PECAM1: variants seen among roughly 807,000 people sequenced by gnomAD.
The protein encoded by PECAM1 is platelet endothelial cell adhesion molecule.
PECAM1 carries 8 observed loss-of-function variants against 13.8 expected under a neutral mutation model. The observed-to-expected ratio is 0.58, with a 90% confidence interval of 0.34 to 1.05. PECAM1 has a LOEUF of 1.05. Among genes scored for constraint, PECAM1 ranks in the 50% least tolerant of loss-of-function variants. The pLI is 0.03. For synonymous variants in PECAM1, 136 were observed against 52.6 expected, an observed-to-expected ratio of 2.58 and a Z score of -6.86; for missense variants, 304 against 141.2, an observed-to-expected ratio of 2.15 and a Z score of -5.84.
At chr17:64,362,715 T>G (rs1598033649) in intron 6 of PECAM1, among the ~76,000 whole-genome samples, 2 of 151,626 alleles carry the variant, frequency 1.3e-5, no homozygotes, top group Non-Finnish European at 2.9e-5. Flanking sequence ...TAGGCAGACA[T>G]GGTGGTGGGC....
intron 4 of PECAM1, among the ~76,000 whole-genome samples, chr17:64,370,756 G>A (rs2036221295): frequency 6.6e-6 from 1 of 152,114 alleles, no homozygotes; most frequent in South Asian, 2.1e-4. Context: ...GGGAAGTAGG[G>A]ATAGGTCCTA....
intron 4 of PECAM1, among the ~76,000 whole-genome samples, chr17:64,373,144 TAAAA>T (rs1297178001): frequency 0.04 from 5,906 of 149,436 alleles, 410 homozygotes; most frequent in African/African-American, 0.14. Flanking sequence ...AATAAATAAA[TAAAA>T]AAAAAAGAAA....
At chr17:64,341,251 G>A (rs1310468046) in intron 14 of PECAM1, among the ~76,000 whole-genome samples, 3 of 150,996 alleles carry the variant, frequency 2.0e-5, no homozygotes, top group African/African-American at 7.3e-5. Context: ...GTGACAGAGC[G>A]AGACTCCATA....
Position 64,375,278 on chromosome 17 carries a change from G to C in PECAM1, c.464C>G (p.Pro155Arg), listed in dbSNP as rs2036331031. ...GAAGTGTATTGGGGCCTTTTCCTCT[G>C]GGACAGAACAGTTGACCCTCACGAT... ...GGIVRVNCSV[P>R]EEKAPIHFTI... The change falls in exon 4 of 16, where the codon CCA (proline) becomes CGA (arginine). Residue 155 changes from proline (P) to arginine (R), a missense_variant. Transcript: ENST00000563924. 4.2e-6 allele frequency: 2 copies of C among 475,160 alleles called. No homozygotes were observed. Among genetic ancestry groups the C allele is most frequent in the Non-Finnish European group, 3.9e-6 (1 of 259,034 alleles). 29.4% of individuals were successfully genotyped at this position (475,160 alleles called of 1,614,324 possible).
At chr17:64,347,726 T>A (rs1053261713) in intron 13 of PECAM1, among the ~76,000 whole-genome samples, 3 of 140,782 alleles carry the variant, frequency 2.1e-5, no homozygotes, top group East Asian at 2.0e-4. Flanking sequence ...ATTATATATT[T>A]TATATATATA....
At chr17:64,346,561 C>A (rs1311571926) in intron 13 of PECAM1, among the ~76,000 whole-genome samples, 2 of 152,164 alleles carry the variant, frequency 1.3e-5, no homozygotes, top group Non-Finnish European at 2.9e-5. Context: ...GTCTCGAACT[C>A]CTGGCCTCAA....
At chr17:64,361,450 T>C (rs2035978341) in intron 6 of PECAM1, among the ~76,000 whole-genome samples, 1 of 151,644 alleles carries the variant, frequency 6.6e-6, no homozygotes, top group Non-Finnish European at 1.5e-5. Flanking sequence ...CCAGCCAATA[T>C]ATATGTTTTT....
intron 5 of PECAM1, among the ~76,000 whole-genome samples, chr17:64,368,587 T>C (rs1401406012): frequency 2.0e-5 from 3 of 152,134 alleles, no homozygotes; most frequent in African/African-American, 4.8e-5. Context: ...CAGTGGCTCA[T>C]GCCTATAATC....
rs1449632472 is a variant in PECAM1, at chr17:64,347,363, C to CA, written c.2107+896dup. ...TGAAATCCCATCTCTACTAAAAATA[C>CA]AAAAAAAAAATAAATAAATTAGCCG... On this transcript the variant is annotated intron_variant, in intron 13 of 15. Coordinates refer to ENST00000563924, the MANE Select transcript of PECAM1 (RefSeq NM_000442.5). Among the ~76,000 whole-genome samples the CA allele has an allele frequency of 3.8e-3, 546 of 144,522 alleles. 2 individuals carry two copies. The highest frequency in any genetic ancestry group is 9.7e-3 in the African/African-American group (384 of 39,438). 94.8% of individuals were successfully genotyped at this position (144,522 alleles called of 152,430 possible).
chr17:64,327,658 A>G (rs2034993340), intron 15 of PECAM1, among the ~76,000 whole-genome samples: 1 of 152,210 alleles, frequency 6.6e-6, no homozygotes, highest in Non-Finnish European at 1.5e-5. Context: ...CTTCCATGCT[A>G]TCTGTCTGCG....
chr17:64,358,107 C>T (rs1275411907), intron 7 of PECAM1, among the ~76,000 whole-genome samples: 12 of 98,178 alleles, frequency 1.2e-4, no homozygotes, highest in African/African-American at 3.7e-4. Context: ...GATTTGGCCA[C>T]AGTCTTTTTT....
chr17:64,374,759 G>T (rs993968233), intron 4 of PECAM1, among the ~76,000 whole-genome samples: 33 of 150,474 alleles, frequency 2.2e-4, no homozygotes, highest in African/African-American at 8.0e-4. Flanking sequence ...ACTCCAGCTT[G>T]GGCGACAGAG....
intron 8 of PECAM1, among the ~76,000 whole-genome samples, chr17:64,355,746 G>A (rs2035831007): frequency 6.6e-6 from 1 of 152,042 alleles, no homozygotes; most frequent in Non-Finnish European, 1.5e-5. Context: ...TCCTCTCCAG[G>A]AAACCGCCCC....
chr17:64,373,800 C>T (rs2036295502), intron 4 of PECAM1, among the ~76,000 whole-genome samples: 1 of 152,072 alleles, frequency 6.6e-6, no homozygotes, highest in East Asian at 1.9e-4. Context: ...CCATTTATGA[C>T]AAAATGTAAG....
At position 64,329,915 on chromosome 17, in the gene PECAM1, C is replaced by T. The variant is rs554281196; in HGVS notation, c.2165-193G>A. Among the ~76,000 whole-genome samples the T allele has an allele frequency of 4.6e-5, 7 of 152,244 alleles. No homozygotes were observed. In the South Asian group the frequency reaches 1.2e-3, roughly 27 times the overall value. ...CAGCTTCCCCGGGACCCTCTAGCTC[C>T]ACATGACATGCGCATAAAGTCCCTG... On this transcript the variant is annotated intron_variant, in intron 14 of 15. Transcript: ENST00000563924.
intron 4 of PECAM1, among the ~76,000 whole-genome samples, chr17:64,373,446 TA>T (rs2036286514): frequency 6.6e-6 from 1 of 152,058 alleles, no homozygotes. Context: ...CAAAAGTCCA[TA>T]AGATTTTGTC....
intron 14 of PECAM1, among the ~76,000 whole-genome samples, chr17:64,333,392 G>A (rs1388115498): frequency 3.3e-5 from 5 of 152,108 alleles, no homozygotes; most frequent in Non-Finnish European, 7.3e-5. Flanking sequence ...AGTTGCAGGA[G>A]GTGAATTCCT....
chr17:64,332,338 C>G (rs1331188843), intron 14 of PECAM1, among the ~76,000 whole-genome samples: 1 of 145,820 alleles, frequency 6.9e-6, no homozygotes, highest in Non-Finnish European at 1.5e-5. Context: ...CCTGGACCCT[C>G]CTAGTCCCCT....
Position 64,319,953 on chromosome 17 carries a change from A to G in PECAM1, c.*3863T>C, listed in dbSNP as rs561193292. On this transcript the variant is annotated 3_prime_UTR_variant, in exon 16 of 16. Coordinates refer to ENST00000563924, the MANE Select transcript of PECAM1 (RefSeq NM_000442.5). ...GACCATCACCTGATGGTAGCCTGACATTCCTGTGGGGGCCCTCACCTGTCC... is the reference window on the plus strand; with the variant it reads ...GACCATCACCTGATGGTAGCCTGACGTTCCTGTGGGGGCCCTCACCTGTCC... 3.3e-5 allele frequency: 5 copies of G among 152,228 alleles called. No homozygotes were observed. The highest frequency in any genetic ancestry group is 9.6e-5 in the African/African-American group (4 of 41,530). The allele number at this position is 152,228 out of a possible 1,614,324, so 9.4% of individuals were successfully genotyped here.
Sources: allele counts gnomAD v4.1 joint callset (sites outside exome capture counted in the v4.1 genomes callset), GRCh38; gene constraint gnomAD v4.1.1; transcripts MANE v1.5; gene names NCBI Gene and HGNC (gene_info 2026-07-23, HGNC 2026-07-21).